Variants in CSMD1 observed in about 807,000 individuals in gnomAD.
CSMD1 encodes the protein CUB and Sushi multiple domains 1.
Under a neutral mutation model 417.5 loss-of-function variants are expected in CSMD1, and 213 were observed. The ratio of observed to expected loss-of-function variants is 0.51; its 90% CI spans 0.46 to 0.57. The LOEUF (loss-of-function observed/expected upper bound fraction) is 0.57, where lower values mean the gene tolerates loss of function less well. Among genes scored for constraint, CSMD1 ranks in the 20% least tolerant of loss-of-function variants. The pLI is 0.00. For missense variants in CSMD1, 6,923 were observed against 4,529.7 expected, an observed-to-expected ratio of 1.53 and a Z score of -15.17; for synonymous variants, 2,862 against 1,736.8, an observed-to-expected ratio of 1.65 and a Z score of -16.11.
chr8:3,688,953 A>C (rs1410640474), intron 7 of CSMD1, among the ~76,000 whole-genome samples: 1 of 152,202 alleles, frequency 6.6e-6, no homozygotes, highest in Non-Finnish European at 1.5e-5. Context: ...AAATGAATGA[A>C]ATATTATGAA....
chr8:4,085,440 G>T (rs372869041), intron 3 of CSMD1, among the ~76,000 whole-genome samples: 1 of 152,160 alleles, frequency 6.6e-6, no homozygotes, highest in African/African-American at 2.4e-5. Flanking sequence ...TTTAGAAAAT[G>T]AGTTTTAATT....
At chr8:4,435,412 C>T (rs1218392823) in intron 2 of CSMD1, among the ~76,000 whole-genome samples, 1 of 152,138 alleles carries the variant, frequency 6.6e-6, no homozygotes, top group African/African-American at 2.4e-5. Flanking sequence ...AAAGAAGTCA[C>T]CATGCAGGCC....
intron 2 of CSMD1, among the ~76,000 whole-genome samples, chr8:4,587,745 T>A (rs1488346728): frequency 6.6e-6 from 1 of 152,214 alleles, no homozygotes; most frequent in Non-Finnish European, 1.5e-5. Flanking sequence ...ACATTAAGAC[T>A]TTGCATTTAT....
intron 3 of CSMD1, among the ~76,000 whole-genome samples, chr8:4,340,900 A>T (rs80064037): frequency 6.6e-6 from 1 of 152,014 alleles, no homozygotes; most frequent in African/African-American, 2.4e-5. Context: ...CCTACAATTT[A>T]AAGTGGGAAC....
At chr8:4,868,690 G>C (rs1802558991) in intron 1 of CSMD1, among the ~76,000 whole-genome samples, 1 of 151,798 alleles carries the variant, frequency 6.6e-6, no homozygotes, top group Non-Finnish European at 1.5e-5. Flanking sequence ...TAACAGTATG[G>C]TGTCTTGGTC....
chr8:3,538,620 C>T (rs1315394008), intron 10 of CSMD1, among the ~76,000 whole-genome samples: 2 of 152,264 alleles, frequency 1.3e-5, no homozygotes, highest in African/African-American at 4.8e-5. Context: ...TTCCCCACCA[C>T]TCAACAAAGG....
At chr8:3,321,175 G>A (rs1377831201) in intron 23 of CSMD1, among the ~76,000 whole-genome samples, 1 of 151,996 alleles carries the variant, frequency 6.6e-6, no homozygotes, top group Non-Finnish European at 1.5e-5. Context: ...TGCTTTCTAA[G>A]CTTCCAGTGC....
intron 7 of CSMD1, among the ~76,000 whole-genome samples, chr8:3,688,763 A>C (rs1331215224): frequency 6.6e-6 from 1 of 152,158 alleles, no homozygotes; most frequent in Non-Finnish European, 1.5e-5. Flanking sequence ...ACTGTAGCAT[A>C]ATACGGATTC....
At chr8:3,018,769 C>T in intron 51 of CSMD1, 119 bp from the exon 52 acceptor site, 1 of 885,456 alleles carries the variant, frequency 1.1e-6, no homozygotes, top group Non-Finnish European at 1.7e-6. Flanking sequence ...TCTTAATTTT[C>T]ACTAAGAACA....
At chr8:4,131,825 C>T (rs575763410) in intron 3 of CSMD1, among the ~76,000 whole-genome samples, 9 of 123,312 alleles carry the variant, frequency 7.3e-5, no homozygotes, top group South Asian at 2.7e-4. Flanking sequence ...TGCAGTGGTG[C>T]GATCCCGGCT....
Position 4,639,517 on chromosome 8 carries a change from T to C in CSMD1, c.86-1959A>G, listed in dbSNP as rs192381282. Among the ~76,000 whole-genome samples, 224 of 152,282 alleles carry C rather than the reference T, an allele frequency of 1.5e-3. 2 individuals are homozygous for C. The highest frequency in any genetic ancestry group is 5.1e-3 in the African/African-American group (213 of 41,574). On this transcript the variant is annotated intron_variant, in intron 1 of 69. Coordinates refer to ENST00000635120, the MANE Select transcript of CSMD1 (RefSeq NM_033225.6). Reference sequence around the variant, plus strand: ...TTAAGTAGCTCGCAAAAACTGTCTATGTTTCTTACCTTCTTAATATGCCCA... The same window carrying C: ...TTAAGTAGCTCGCAAAAACTGTCTACGTTTCTTACCTTCTTAATATGCCCA...
intron 5 of CSMD1, among the ~76,000 whole-genome samples, chr8:3,839,818 G>C (rs898677602): frequency 6.6e-6 from 1 of 151,744 alleles, no homozygotes. Context: ...AGAGACCAAA[G>C]TGCACAGCTA....
At chr8:3,701,029 C>T (rs921214430) in intron 7 of CSMD1, among the ~76,000 whole-genome samples, 1 of 150,230 alleles carries the variant, frequency 6.7e-6, no homozygotes, top group Non-Finnish European at 1.5e-5. Context: ...TGGGATATGT[C>T]GGGGGGCAGT....
chr8:4,575,467 G>A (rs999412854), intron 2 of CSMD1, among the ~76,000 whole-genome samples: 2 of 152,250 alleles, frequency 1.3e-5, no homozygotes, highest in Admixed American at 6.5e-5. Context: ...TAATTTCTCT[G>A]AACGTTATCT....
At chr8:3,198,169 A>G (rs977206326) in intron 33 of CSMD1, among the ~76,000 whole-genome samples, 4 of 152,212 alleles carry the variant, frequency 2.6e-5, no homozygotes, top group Middle Eastern at 3.2e-3. Flanking sequence ...CAACATTTGC[A>G]TATAAGACAC....
intron 1 of CSMD1, among the ~76,000 whole-genome samples, chr8:4,681,879 T>G (rs894813053): frequency 6.6e-6 from 1 of 152,128 alleles, no homozygotes; most frequent in Non-Finnish European, 1.5e-5. Context: ...CAGAAAAAAA[T>G]GCTCAGAACA....
intron 8 of CSMD1, among the ~76,000 whole-genome samples, chr8:3,599,155 G>C (rs201273762): frequency 0.16 from 21,085 of 131,650 alleles, 1,714 homozygotes; most frequent in Non-Finnish European, 0.2. Context: ...GTGTGTCTGT[G>C]TGTGTGTCTG....
chr8:3,511,623 T>C (rs912016038), intron 10 of CSMD1, among the ~76,000 whole-genome samples: 2 of 151,442 alleles, frequency 1.3e-5, no homozygotes, highest in African/African-American at 2.4e-5. Context: ...CTGGGCATGG[T>C]AGCAGATGTC....
intron 2 of CSMD1, among the ~76,000 whole-genome samples, chr8:4,472,741 G>C (rs1029764020): frequency 6.6e-6 from 1 of 151,782 alleles, no homozygotes; most frequent in Non-Finnish European, 1.5e-5. Flanking sequence ...TCATAACTGT[G>C]GACGTTCACT....
Sources: gnomAD v4.1 joint callset for allele counts (sites outside exome capture counted in the v4.1 genomes callset) on GRCh38, gnomAD v4.1.1 for gene constraint, MANE v1.5 for transcripts, NCBI Gene and HGNC (gene_info 2026-07-23, HGNC 2026-07-21) for gene names.